Variants in LMX1A observed in about 807,000 individuals in gnomAD.
LMX1A encodes the protein LIM homeobox transcription factor 1-alpha.
LMX1A carries 15 observed loss-of-function variants against 49.1 expected under a neutral mutation model. The ratio of observed to expected loss-of-function variants is 0.31; its 90% CI spans 0.20 to 0.47. The LOEUF (loss-of-function observed/expected upper bound fraction) is 0.47. LMX1A is among the 20% of genes least tolerant of loss of function. The pLI, the probability that LMX1A is intolerant of heterozygous loss-of-function variation, is 1.00. For synonymous variants in LMX1A, 167 were observed against 185.7 expected, an observed-to-expected ratio of 0.90 and a Z score of 0.82; for missense variants, 372 against 475.8, an observed-to-expected ratio of 0.78 and a Z score of 2.03.
intron 3 of LMX1A, among the ~76,000 whole-genome samples, chr1:165,318,873 G>A (rs993799369): frequency 1.3e-5 from 2 of 152,058 alleles, no homozygotes; most frequent in African/African-American, 4.8e-5. Flanking sequence ...TCTCTGTACT[G>A]CCTATCCTCA....
intron 3 of LMX1A, among the ~76,000 whole-genome samples, chr1:165,274,134 G>A (rs1653893640): frequency 2.0e-5 from 3 of 152,322 alleles, no homozygotes; most frequent in Middle Eastern, 3.4e-3. Context: ...GTCCTGGACA[G>A]TGCACACCTG....
chr1:165,353,350 C>CGG lies in LMX1A; in HGVS notation c.77-89_77-88insCC. On this transcript the variant is annotated intron_variant, in intron 2 of 8. Coordinates refer to ENST00000342310, the MANE Select transcript of LMX1A (RefSeq NM_177398.4). The stretch of plus-strand genomic sequence containing the variant: ...CCGGGACCCGCTCCTGATCCCTTCA[C>CGG]ATCCACGGATTCCCCCAGCGCCCCC... 2.9e-6 allele frequency: 3 copies of CGG among 1,051,332 alleles called. No homozygotes were observed. In the East Asian group the frequency reaches 7.7e-5, roughly 27 times the overall value. 65.1% of individuals were successfully genotyped at this position (1,051,332 alleles called of 1,614,324 possible).
chr1:165,346,027 G>A (rs1237067936), intron 3 of LMX1A, among the ~76,000 whole-genome samples: 2 of 152,216 alleles, frequency 1.3e-5, no homozygotes, highest in Non-Finnish European at 2.9e-5. Flanking sequence ...ATAGGGGAGG[G>A]AGAAGGGGAC....
intron 3 of LMX1A, among the ~76,000 whole-genome samples, chr1:165,262,922 G>A (rs907145937): frequency 1.7e-4 from 26 of 151,856 alleles, no homozygotes; most frequent in South Asian, 6.3e-4. Flanking sequence ...CAAAATTGTC[G>A]TGTGAAGGTC....
intron 3 of LMX1A, among the ~76,000 whole-genome samples, chr1:165,262,127 A>G (rs1170161083): frequency 1.3e-5 from 2 of 152,172 alleles, no homozygotes; most frequent in Non-Finnish European, 2.9e-5. Flanking sequence ...TAACCAAAAT[A>G]TAGGTGATTA....
chr1:165,339,057 A>T (rs1655985749), intron 3 of LMX1A, among the ~76,000 whole-genome samples: 1 of 152,242 alleles, frequency 6.6e-6, no homozygotes, highest in Non-Finnish European at 1.5e-5. Context: ...AAATGGGATC[A>T]TCTCAAAGAG....
chr1:165,322,336 G>A (rs1655441608), intron 3 of LMX1A, among the ~76,000 whole-genome samples: 1 of 152,130 alleles, frequency 6.6e-6, no homozygotes, highest in East Asian at 1.9e-4. Context: ...ACAGGCCCAA[G>A]CGAACTGAAA....
At chr1:165,264,179 C>A (rs890203921) in intron 3 of LMX1A, among the ~76,000 whole-genome samples, 4 of 151,998 alleles carry the variant, frequency 2.6e-5, no homozygotes, top group Non-Finnish European at 5.9e-5. Context: ...TGGAAGCCTG[C>A]ACACAGCCCC....
intron 4 of LMX1A, among the ~76,000 whole-genome samples, chr1:165,228,637 T>C (rs1159191297): frequency 6.6e-6 from 1 of 152,236 alleles, no homozygotes; most frequent in Non-Finnish European, 1.5e-5. Flanking sequence ...AATCATCTTC[T>C]CACTTTCTTT....
At chr1:165,297,638 G>A (rs958588827) in intron 3 of LMX1A, among the ~76,000 whole-genome samples, 11 of 152,268 alleles carry the variant, frequency 7.2e-5, no homozygotes, top group Middle Eastern at 3.4e-3. Context: ...AAATAGAAAG[G>A]GGTTCCCAAG....
chr1:165,277,148 G>T (rs1653994008), intron 3 of LMX1A, among the ~76,000 whole-genome samples: 1 of 152,234 alleles, frequency 6.6e-6, no homozygotes, highest in South Asian at 2.1e-4. Flanking sequence ...ATGGATTTGT[G>T]TGGGTTTGTT....
intron 3 of LMX1A, among the ~76,000 whole-genome samples, chr1:165,347,778 C>T (rs1462205642): frequency 1.3e-5 from 2 of 152,160 alleles, no homozygotes; most frequent in Non-Finnish European, 2.9e-5. Context: ...TTGTAAAATG[C>T]ATTTATTCTA....
intron 4 of LMX1A, among the ~76,000 whole-genome samples, chr1:165,241,172 A>T (rs891990198): frequency 1.3e-5 from 2 of 152,102 alleles, no homozygotes; most frequent in African/African-American, 4.8e-5. Context: ...GCCCATCTTT[A>T]CTTTATGCAC....
chr1:165,284,142 T>C (rs1392062137), intron 3 of LMX1A, among the ~76,000 whole-genome samples: 1 of 152,192 alleles, frequency 6.6e-6, no homozygotes, highest in Non-Finnish European at 1.5e-5. Flanking sequence ...CCACATCTCC[T>C]CTCTCACCTG....
intron 3 of LMX1A, among the ~76,000 whole-genome samples, chr1:165,286,364 A>G (rs889273709): frequency 1.3e-5 from 2 of 152,164 alleles, no homozygotes; most frequent in African/African-American, 4.8e-5. Flanking sequence ...GACAGCAGCC[A>G]GGGAAGAGCC....
At chr1:165,319,027 ACACACACACACACACC>A (rs1450446624) in intron 3 of LMX1A, among the ~76,000 whole-genome samples, 3 of 140,008 alleles carry the variant, frequency 2.1e-5, no homozygotes, top group Non-Finnish European at 3.2e-5. Flanking sequence ...ACACACACAC[ACACACACACACACACC>A]CCAACTTCTT....
rs538937252 is a variant in LMX1A at position 165,249,230 on chromosome 1, C to G, written c.496+178G>C. On this transcript the variant is annotated intron_variant, in intron 4 of 8. Coordinates refer to ENST00000342310, the MANE Select transcript of LMX1A (RefSeq NM_177398.4). ...TTATGCACCATTGTCATGGTAATCA[C>G]TGACTGATAAGAGATTACTCTGAGC... 1.3e-4 allele frequency among the ~76,000 whole-genome samples: 19 copies of G among 141,264 alleles called. No individual in the cohort carries two copies. In the South Asian group the frequency reaches 4.9e-3, roughly 37 times the overall value. 92.7% of individuals were successfully genotyped at this position (141,264 alleles called of 152,430 possible). A position where few individuals can be genotyped will look rare whatever the true frequency, so the allele number is the denominator to read the frequency against.
rs2298220 is a variant in LMX1A at position 165,218,423 on chromosome 1, T to C, written c.497-4610A>G. The C allele has an allele frequency of 6.6e-5, 10 of 152,314 alleles. No homozygotes were observed. In the East Asian group the frequency reaches 1.9e-3, roughly 29 times the overall value. The allele number at this position is 152,314 out of a possible 1,614,324, so 9.4% of individuals were successfully genotyped here. ...CTTTTGGCACCTCTCAAAGTACAGA[T>C]AGATGCCACAAGCCAGCTGCCAACA... On this transcript the variant is annotated intron_variant, in intron 4 of 8. Transcript: ENST00000342310.
At position 165,301,105 on chromosome 1, in the gene LMX1A, C is replaced by T. The variant is rs1179032131; in HGVS notation, c.264-51465G>A. Among the ~76,000 whole-genome samples the T allele has an allele frequency of 3.3e-5, 5 of 152,288 alleles. No homozygotes were observed. The East Asian group carries it at 5.8e-4, about 18-fold the overall frequency. ...ACTCAAAACCACCAACTCTCAGGAC[C>T]GGCTTAACACAATTCCAAACCTGGT... On this transcript the variant is annotated intron_variant, in intron 3 of 8. Coordinates refer to ENST00000342310, the MANE Select transcript of LMX1A (RefSeq NM_177398.4).
Sources: gnomAD v4.1 joint callset for allele counts (sites outside exome capture counted in the v4.1 genomes callset) on GRCh38, gnomAD v4.1.1 for gene constraint, MANE v1.5 for transcripts, NCBI Gene and HGNC (gene_info 2026-07-23, HGNC 2026-07-21) for gene names.